NCALD: variants seen among roughly 807,000 people sequenced by gnomAD.
NCALD encodes the protein neurocalcin delta.
A neutral mutation model predicts 18.6 loss-of-function variants in NCALD; 10 were observed. The observed-to-expected ratio is 0.54, with a 90% CI of 0.33 to 0.91. The LOEUF is 0.91. NCALD is among the 40% of genes least tolerant of loss of function. NCALD has a pLI of 0.03. For missense variants in NCALD, 184 were observed against 247.6 expected, an observed-to-expected ratio of 0.74 and a Z score of 1.72; for synonymous variants, 88 against 87.4, an observed-to-expected ratio of 1.01 and a Z score of -0.04.
At chr8:102,092,091 A>G (rs776868927) in intron 1 of NCALD, among the ~76,000 whole-genome samples, 5 of 152,234 alleles carry the variant, frequency 3.3e-5, no homozygotes, top group Admixed American at 2.0e-4. Flanking sequence ...GATATAGGTC[A>G]TAAAGACATT....
At chr8:101,908,174 A>G (rs1388581502) in intron 3 of NCALD, among the ~76,000 whole-genome samples, 1 of 152,250 alleles carries the variant, frequency 6.6e-6, no homozygotes, top group African/African-American at 2.4e-5. Context: ...TTCAGCCCCG[A>G]ATAGCATGGA....
At chr8:101,904,179 C>T (rs1236005134) in intron 3 of NCALD, among the ~76,000 whole-genome samples, 2 of 152,066 alleles carry the variant, frequency 1.3e-5, no homozygotes, top group African/African-American at 4.8e-5. Flanking sequence ...GAAGAAGACA[C>T]AAGAGGAGGG....
chr8:101,719,377 A>G lies in NCALD; in HGVS notation c.253T>C (p.Phe85Leu). 6.2e-7 allele frequency: 1 copy of G among 1,614,250 alleles called. No individual in the cohort carries two copies. The highest frequency in any genetic ancestry group is 8.5e-7 in the Non-Finnish European group (1 of 1,180,038). The change falls in exon 2 of 4, where the codon TTC (phenylalanine) becomes CTC (leucine). Residue 85 changes from phenylalanine (F) to leucine (L), a missense_variant. By Grantham distance (22) the Phe-to-Leu change is conservative. Coordinates refer to ENST00000220931, the MANE Select transcript of NCALD (RefSeq NM_032041.3). ...GAAGTTACACTCAAGGCGATGATGA[A>G]TTCTCTAAAGTCTATTGTCCCATCT... is the stretch of plus-strand genomic sequence containing the variant. ...NGDGTIDFREFIIALSVTSRG... is the reference protein window; with the variant it reads ...NGDGTIDFRELIIALSVTSRG...
At chr8:102,027,211 C>A (rs1822489610) in intron 1 of NCALD, among the ~76,000 whole-genome samples, 1 of 152,236 alleles carries the variant, frequency 6.6e-6, no homozygotes, top group Non-Finnish European at 1.5e-5. Context: ...CGAATTTCTG[C>A]AGCAGCCTTG....
intron 2 of NCALD, among the ~76,000 whole-genome samples, chr8:101,697,026 A>C (rs917750621): frequency 1.3e-5 from 2 of 152,098 alleles, no homozygotes; most frequent in Admixed American, 6.6e-5. Context: ...TTTTTGAAAA[A>C]ATTAACAAAA....
At chr8:101,949,103 T>C (rs1819289812) in intron 2 of NCALD, among the ~76,000 whole-genome samples, 1 of 152,218 alleles carries the variant, frequency 6.6e-6, no homozygotes, top group South Asian at 2.1e-4. Flanking sequence ...GCTTACTACC[T>C]ACCCACCTTG....
At chr8:101,907,103 G>T (rs1817635650) in intron 3 of NCALD, among the ~76,000 whole-genome samples, 1 of 152,116 alleles carries the variant, frequency 6.6e-6, no homozygotes, top group Admixed American at 6.5e-5. Context: ...TTTTGCATTT[G>T]ATTTTTGAAA....
intron 1 of NCALD, among the ~76,000 whole-genome samples, chr8:102,021,294 T>C (rs1046604664): frequency 6.6e-6 from 1 of 152,206 alleles, no homozygotes; most frequent in Non-Finnish European, 1.5e-5. Flanking sequence ...TTTTGATTCA[T>C]ATTGATAATT....
At chr8:101,872,944 TGAG>T (rs1345600629) in intron 4 of NCALD, among the ~76,000 whole-genome samples, 3 of 152,166 alleles carry the variant, frequency 2.0e-5, no homozygotes, top group Non-Finnish European at 2.9e-5. Context: ...AAGTCCAAAA[TGAG>T]GAGGAAATGA....
intron 1 of NCALD, among the ~76,000 whole-genome samples, chr8:102,081,545 T>TAAAAAAAAAAAAAAAAAAAAAAAAA (rs770307937): frequency 2.9e-5 from 2 of 68,704 alleles, no homozygotes; most frequent in South Asian, 5.3e-4. Flanking sequence ...CAAATAATGG[T>TAAAAAAAAAAAAAAAAAAAAAAAAA]AAAAAAAAAA....
intron 2 of NCALD, among the ~76,000 whole-genome samples, chr8:101,945,054 C>T (rs945895589): frequency 1.4e-4 from 21 of 152,176 alleles, no homozygotes; most frequent in African/African-American, 4.3e-4. Context: ...TCGTGTCCTA[C>T]GTGACATCTG....
chr8:101,699,542 A>C (rs936520957), intron 2 of NCALD, among the ~76,000 whole-genome samples: 5 of 152,234 alleles, frequency 3.3e-5, no homozygotes, highest in Non-Finnish European at 5.9e-5. Context: ...CTGGATAAAG[A>C]AAATATGGCA....
intron 1 of NCALD, among the ~76,000 whole-genome samples, chr8:102,087,331 A>C (rs1366601446): frequency 2.0e-5 from 3 of 152,040 alleles, no homozygotes; most frequent in Admixed American, 6.6e-5. Context: ...CTTTCTGGCA[A>C]ACCATGAAAG....
intron 1 of NCALD, among the ~76,000 whole-genome samples, chr8:102,068,141 T>G (rs1824067637): frequency 6.6e-6 from 1 of 152,154 alleles, no homozygotes; most frequent in African/African-American, 2.4e-5. Flanking sequence ...TGTATTTACA[T>G]GCAGGAGTAC....
chr8:101,688,707 A>T lies in NCALD; in HGVS notation c.*602T>A, dbSNP rs1461299268. 2.1e-6 allele frequency: 1 copy of T among 484,666 alleles called. No homozygotes were observed. Among genetic ancestry groups the T allele is most frequent in the East Asian group, 6.1e-5 (1 of 16,476 alleles). The allele number at this position is 484,666 out of a possible 1,614,324, so 30.0% of individuals were successfully genotyped here. On this transcript the variant is annotated 3_prime_UTR_variant, in exon 4 of 4. Coordinates refer to ENST00000220931, the MANE Select transcript of NCALD (RefSeq NM_032041.3). Reference sequence around the variant, plus strand: ...AAACCTGTGAAAAAATAGCTGAGCCATCTTTTTCCTCTCCTCTGTTAATTT... The same window carrying T: ...AAACCTGTGAAAAAATAGCTGAGCCTTCTTTTTCCTCTCCTCTGTTAATTT...
intron 2 of NCALD, among the ~76,000 whole-genome samples, chr8:101,718,576 A>C (rs1816196674): frequency 6.6e-6 from 1 of 152,198 alleles, no homozygotes; most frequent in Admixed American, 6.5e-5. Context: ...AGTACTGATC[A>C]CAAAACCATT....
chr8:102,051,900 A>T (rs1823471304), intron 1 of NCALD, among the ~76,000 whole-genome samples: 1 of 152,390 alleles, frequency 6.6e-6, no homozygotes, highest in Admixed American at 6.5e-5. Context: ...TCTGAACAAT[A>T]ACAAGGAACT....
intron 4 of NCALD, among the ~76,000 whole-genome samples, chr8:101,870,897 ACCCCCCCC>A: frequency 4.0e-5 from 1 of 24,948 alleles, no homozygotes; most frequent in African/African-American, 1.4e-4. Flanking sequence ...CACCGCCCCC[ACCCCCCCC>A]CCCCAAAAAA....
intron 1 of NCALD, among the ~76,000 whole-genome samples, chr8:102,101,464 G>A (rs1030056616): frequency 2.6e-5 from 4 of 152,220 alleles, no homozygotes; most frequent in Non-Finnish European, 5.9e-5. Context: ...TGGATCCAGG[G>A]CAGAAAGCCG....
Sources: allele counts gnomAD v4.1 joint callset (sites outside exome capture counted in the v4.1 genomes callset), GRCh38; gene constraint gnomAD v4.1.1; transcripts MANE v1.5; gene names NCBI Gene and HGNC (gene_info 2026-07-23, HGNC 2026-07-21).